CNTNAP2: variants seen among roughly 807,000 people sequenced by gnomAD.
CNTNAP2 encodes contactin associated protein 2, also known as contactin-associated protein-like 2.
A neutral mutation model predicts 155.2 loss-of-function variants in CNTNAP2; 98 were observed. The observed-to-expected ratio is 0.63, with a 90% CI of 0.54 to 0.75. CNTNAP2 has a LOEUF of 0.75. Ranked by LOEUF, CNTNAP2 falls within the 30% of genes least tolerant of loss-of-function variation. The pLI, the probability that CNTNAP2 is intolerant of heterozygous loss-of-function variation, is 0.00. For synonymous variants in CNTNAP2, 651 were observed against 631.2 expected, an observed-to-expected ratio of 1.03 and a Z score of -0.47; for missense variants, 1,727 against 1,688.1, an observed-to-expected ratio of 1.02 and a Z score of -0.40.
At chr7:148,225,846 G>A (rs1019535255) in intron 19 of CNTNAP2, among the ~76,000 whole-genome samples, 3 of 152,196 alleles carry the variant, frequency 2.0e-5, no homozygotes, top group Non-Finnish European at 2.9e-5. Context: ...GGACAGTCAA[G>A]GCTTTTGGCA....
chr7:148,160,584 C>A (rs979973772), intron 17 of CNTNAP2, among the ~76,000 whole-genome samples: 1 of 152,082 alleles, frequency 6.6e-6, no homozygotes, highest in Non-Finnish European at 1.5e-5. Flanking sequence ...TCCATTTGGA[C>A]CAATTACTCC....
intron 1 of CNTNAP2, among the ~76,000 whole-genome samples, chr7:146,378,024 A>T (rs1340794084): frequency 6.6e-6 from 1 of 152,168 alleles, no homozygotes; most frequent in African/African-American, 2.4e-5. Context: ...GCACTTACTT[A>T]TCTGTTATCC....
intron 1 of CNTNAP2, among the ~76,000 whole-genome samples, chr7:146,657,920 T>TA (rs1238158094): frequency 2.6e-5 from 4 of 152,054 alleles, no homozygotes; most frequent in East Asian, 1.9e-4. Context: ...AGTTCATCAT[T>TA]AAAAAAACCA....
At chr7:146,502,500 C>G (rs952677733) in intron 1 of CNTNAP2, among the ~76,000 whole-genome samples, 32 of 152,050 alleles carry the variant, frequency 2.1e-4, no homozygotes, top group African/African-American at 7.7e-4. Context: ...TTTACCTCCC[C>G]ATCAGCAGTG....
intron 3 of CNTNAP2, among the ~76,000 whole-genome samples, chr7:146,896,443 A>C (rs1360579620): frequency 6.6e-6 from 1 of 152,054 alleles, no homozygotes. Flanking sequence ...TATCTTGTGA[A>C]TATCTACCTC....
chr7:146,681,619 G>T (rs2129169967), intron 1 of CNTNAP2, among the ~76,000 whole-genome samples: 1 of 104,720 alleles, frequency 9.5e-6, no homozygotes, highest in East Asian at 2.6e-4. Context: ...GGGGAGAGTG[G>T]GAGGGTGGAG....
At chr7:147,538,738 A>G (rs1198723858) in intron 11 of CNTNAP2, among the ~76,000 whole-genome samples, 4 of 152,278 alleles carry the variant, frequency 2.6e-5, no homozygotes, top group African/African-American at 7.2e-5. Context: ...AACAAATTCA[A>G]TAATCCTCAA....
At chr7:146,937,351 C>CA (rs71165050) in intron 3 of CNTNAP2, among the ~76,000 whole-genome samples, 2,290 of 134,788 alleles carry the variant, frequency 0.017, 61 homozygotes, top group African/African-American at 0.057. Flanking sequence ...ACTCTTGTCT[C>CA]AAAAAAAAAA....
rs146763061 is a variant in CNTNAP2, at chr7:146,683,031, T to C, written c.98-91240T>C. On this transcript the variant is annotated intron_variant, in intron 1 of 23. Transcript: ENST00000361727. ...TTGTATACATATATAACATTGTATA[T>C]AAAGTCTTTTTCTTTTTTTTGAGAC... 1.8e-4 allele frequency among the ~76,000 whole-genome samples: 28 copies of C among 151,562 alleles called. No individual in the cohort carries two copies. The East Asian group carries it at 5.2e-3, about 28-fold the overall frequency.
At chr7:147,531,118 C>T (rs1423351186) in intron 11 of CNTNAP2, among the ~76,000 whole-genome samples, 6 of 152,250 alleles carry the variant, frequency 3.9e-5, no homozygotes, top group Admixed American at 3.9e-4. Context: ...AACTCCTCCC[C>T]TATGGCTTTA....
rs142329533 is a variant in CNTNAP2, at chr7:146,864,038, G to A, written c.402+24134G>A. On this transcript the variant is annotated intron_variant, in intron 3 of 23. Coordinates refer to ENST00000361727, the MANE Select transcript of CNTNAP2 (RefSeq NM_014141.6). ...TAAAATGCTCTAAGTAACCTTTTTT[G>A]GTGGCCATTATTTGACATTTTAAAA... 5.6e-3 allele frequency among the ~76,000 whole-genome samples: 847 copies of A among 151,686 alleles called. 2 individuals are homozygous for A. Among genetic ancestry groups the A allele is most frequent in the Middle Eastern group, 0.014 (4 of 292 alleles).
chr7:146,879,737 T>G (rs1283387815), intron 3 of CNTNAP2, among the ~76,000 whole-genome samples: 1 of 152,074 alleles, frequency 6.6e-6, no homozygotes, highest in Non-Finnish European at 1.5e-5. Flanking sequence ...GAGCTCACGG[T>G]CAGTGCTCAG....
At chr7:147,245,613 C>A (rs958847605) in intron 8 of CNTNAP2, among the ~76,000 whole-genome samples, 1 of 151,954 alleles carries the variant, frequency 6.6e-6, no homozygotes, top group African/African-American at 2.4e-5. Flanking sequence ...GTGGGTGGAG[C>A]ACGAGGTCAG....
At chr7:147,813,704 A>G (rs1798216638) in intron 13 of CNTNAP2, among the ~76,000 whole-genome samples, 2 of 152,230 alleles carry the variant, frequency 1.3e-5, no homozygotes, top group South Asian at 4.1e-4. Context: ...TTACTCACTG[A>G]ACAGATGAAA....
At chr7:147,733,813 CTCTG>C (rs1256881541) in intron 13 of CNTNAP2, among the ~76,000 whole-genome samples, 3 of 151,722 alleles carry the variant, frequency 2.0e-5, no homozygotes, top group Non-Finnish European at 2.9e-5. Context: ...TGATTTGGCT[CTCTG>C]TCTGTTATTG....
At chr7:147,221,509 GC>G (rs1258094668) in intron 8 of CNTNAP2, among the ~76,000 whole-genome samples, 1 of 152,110 alleles carries the variant, frequency 6.6e-6, no homozygotes, top group Non-Finnish European at 1.5e-5. Context: ...TGTCTCAGGT[GC>G]CCAAGCTTAG....
At chr7:147,029,621 A>T (rs1468087345) in intron 3 of CNTNAP2, among the ~76,000 whole-genome samples, 1 of 152,094 alleles carries the variant, frequency 6.6e-6, no homozygotes, top group Non-Finnish European at 1.5e-5. Flanking sequence ...AGACCCAAGA[A>T]TTGTCACTTA....
At chr7:146,663,520 A>G (rs889933174) in intron 1 of CNTNAP2, among the ~76,000 whole-genome samples, 4 of 152,122 alleles carry the variant, frequency 2.6e-5, no homozygotes, top group Admixed American at 1.3e-4. Context: ...ATATCGGTCT[A>G]TTATATAGCT....
chr7:148,045,050 A>T (rs1429421070), intron 15 of CNTNAP2, among the ~76,000 whole-genome samples: 2 of 152,150 alleles, frequency 1.3e-5, no homozygotes, highest in Non-Finnish European at 2.9e-5. Context: ...CTCTGAGCAG[A>T]AGGAGAGTTA....
Sources: allele counts gnomAD v4.1 joint callset (sites outside exome capture counted in the v4.1 genomes callset), GRCh38; gene constraint gnomAD v4.1.1; transcripts MANE v1.5; gene names NCBI Gene and HGNC (gene_info 2026-07-23, HGNC 2026-07-21).